CLNK: variants seen among roughly 807,000 people sequenced by gnomAD.
CLNK encodes cytokine dependent hematopoietic cell linker, also known as cytokine-dependent hematopoietic cell linker.
In CLNK, 74 loss-of-function variants were observed where a neutral mutation model predicts 68.6. That is an observed-to-expected ratio of 1.08 (90% CI 0.89 to 1.31). CLNK has a LOEUF of 1.31. CLNK is among the 50% of genes most tolerant of loss of function. The probability of loss-of-function intolerance (pLI) is 0.00; values close to 1 mark genes in which losing one functional copy is unlikely to be tolerated. For synonymous variants in CLNK, 198 were observed against 172.2 expected, an observed-to-expected ratio of 1.15 and a Z score of -1.17; for missense variants, 553 against 515.3, an observed-to-expected ratio of 1.07 and a Z score of -0.71.
At chr4:10,572,614 T>C (rs551704640) in intron 4 of CLNK, among the ~76,000 whole-genome samples, 4 of 152,364 alleles carry the variant, frequency 2.6e-5, no homozygotes, top group African/African-American at 7.2e-5. Context: ...TTAGCACATA[T>C]GTGAGAAGTT....
chr4:10,568,434 T>C (rs918280416), intron 5 of CLNK, among the ~76,000 whole-genome samples: 1 of 152,206 alleles, frequency 6.6e-6, no homozygotes, highest in Non-Finnish European at 1.5e-5. Context: ...ATTGGAGTGA[T>C]GGTTATGCAA....
rs1163498992 is a variant in CLNK at position 10,632,955 on chromosome 4, C to CTTATT, written c.11+34899_11+34903dup. Among the ~76,000 whole-genome samples, 69 of 152,238 alleles carry CTTATT rather than the reference C, an allele frequency of 4.5e-4. 1 individual carries two copies. Among genetic ancestry groups the CTTATT allele is most frequent in the African/African-American group, 1.7e-3 (69 of 41,544 alleles). On this transcript the variant is annotated intron_variant, in intron 2 of 18. Coordinates refer to ENST00000226951, the MANE Select transcript of CLNK (RefSeq NM_052964.4). ...GACAGAGAAAAGATAAGCATTTTAT[C>CTTATT]TTATTTTGACTGAGGCCTGTCAACC...
In CLNK at chr4:10,558,470, G is replaced by T. The variant is rs764631756; in HGVS notation, c.400-18C>A. 86 of 1,611,340 alleles carry T rather than the reference G, an allele frequency of 5.3e-5. No homozygotes were observed. Among genetic ancestry groups the T allele is most frequent in the Non-Finnish European group, 7.0e-5 (83 of 1,177,976 alleles). ...TTGTCCACCTGTACAAGACAATGAG[G>T]CACCATTATCTCTTCAGTTGTGACT... On this transcript the variant is annotated intron_variant, in intron 7 of 18. Transcript: ENST00000226951.
chr4:10,632,671 C>A (rs1328679552), intron 2 of CLNK, among the ~76,000 whole-genome samples: 1 of 152,204 alleles, frequency 6.6e-6, no homozygotes, highest in African/African-American at 2.4e-5. Flanking sequence ...TTAAACACAA[C>A]AGACTTTCTC....
At chr4:10,552,842 G>A (rs533796254) in intron 8 of CLNK, among the ~76,000 whole-genome samples, 2 of 152,238 alleles carry the variant, frequency 1.3e-5, no homozygotes, top group Middle Eastern at 3.4e-3. Context: ...CCCCTCGGGC[G>A]GTTACATGTG....
At chr4:10,654,218 T>C (rs1478450749) in intron 2 of CLNK, among the ~76,000 whole-genome samples, 1 of 151,786 alleles carries the variant, frequency 6.6e-6, no homozygotes, top group Non-Finnish European at 1.5e-5. Context: ...AATAATAATA[T>C]GTCATGACCA....
Position 10,501,337 on chromosome 4 carries a change from C to T in CLNK, c.1059G>A (p.Glu353=). ...GTATTTTTACATTGTAGACTTTGTT[C>T]TCATAAAACACAGCCAAAACATAGG... ...EEPYVLAVFY[E]NKVYNVKIRF... is the part of the protein sequence containing the mutation. Residue 353 remains glutamate (E), a synonymous_variant, in exon 18 of 19, where the codon GAG becomes GAA. Transcript: ENST00000226951. The T allele has an allele frequency of 6.2e-7, 1 of 1,609,412 alleles. No individual in the cohort carries two copies. The highest frequency in any genetic ancestry group is 1.7e-4 in the Middle Eastern group (1 of 6,054).
intron 2 of CLNK, among the ~76,000 whole-genome samples, chr4:10,641,239 G>T (rs1723297152): frequency 6.6e-6 from 1 of 152,254 alleles, no homozygotes; most frequent in South Asian, 2.1e-4. Context: ...GGCCTCCTGG[G>T]GCTGGAGGAC....
chr4:10,728,438 T>C, the CLNK span, among the ~76,000 whole-genome samples: 2 of 151,742 alleles, frequency 1.3e-5, no homozygotes, highest in South Asian at 4.2e-4. Flanking sequence ...TTATAATAGT[T>C]GACCTTAGTG....
At chr4:10,692,310 A>C in the CLNK span, among the ~76,000 whole-genome samples, 1 of 152,192 alleles carries the variant, frequency 6.6e-6, no homozygotes, top group Non-Finnish European at 1.5e-5. Context: ...ACAGGCTCAG[A>C]TCTTTAACCC....
At chr4:10,589,436 A>C (rs1228369559) in intron 3 of CLNK, among the ~76,000 whole-genome samples, 1 of 152,138 alleles carries the variant, frequency 6.6e-6, no homozygotes, top group Non-Finnish European at 1.5e-5. Context: ...GGGGCCCCAG[A>C]GTAATGGTGC....
At chr4:10,670,158 T>C (rs147621361) in intron 1 of CLNK, among the ~76,000 whole-genome samples, 210 of 152,378 alleles carry the variant, frequency 1.4e-3, no homozygotes, top group African/African-American at 4.6e-3. Flanking sequence ...CTATGAAATG[T>C]TATGAAACAC....
the CLNK span, among the ~76,000 whole-genome samples, chr4:10,689,930 C>G: frequency 6.6e-6 from 1 of 151,876 alleles, no homozygotes; most frequent in African/African-American, 2.4e-5. Flanking sequence ...CTGTCTCCTT[C>G]AGGACACATG....
At chr4:10,527,230 C>T (rs932168458) in intron 13 of CLNK, among the ~76,000 whole-genome samples, 3 of 152,144 alleles carry the variant, frequency 2.0e-5, no homozygotes, top group South Asian at 2.1e-4. Context: ...GCTGTATTGT[C>T]GGAAAGGGCA....
At chr4:10,528,179 TGGTTGGC>T (rs1426408810) in intron 12 of CLNK, 85 bp from the exon 13 acceptor site, 6 of 588,724 alleles carry the variant, frequency 1.0e-5, no homozygotes, top group Non-Finnish European at 1.3e-5. Context: ...TTAGAGCATT[TGGTTGGC>T]AGACTTTTGG....
At chr4:10,678,727 C>A (rs2108901670) in intron 1 of CLNK, among the ~76,000 whole-genome samples, 1 of 152,156 alleles carries the variant, frequency 6.6e-6, no homozygotes, top group African/African-American at 2.4e-5. Context: ...TCTTATACAC[C>A]AATAACAGAC....
intron 2 of CLNK, among the ~76,000 whole-genome samples, chr4:10,647,423 CT>C (rs1332675956): frequency 6.6e-6 from 1 of 152,072 alleles, no homozygotes; most frequent in Non-Finnish European, 1.5e-5. Flanking sequence ...CATGAGTCTC[CT>C]TTGGATTTTG....
At chr4:10,699,512 A>ATATATTTTTTTT in the CLNK span, among the ~76,000 whole-genome samples, 24 of 32,732 alleles carry the variant, frequency 7.3e-4, 1 homozygote, top group South Asian at 1.3e-3. Flanking sequence ...ATATATATAT[A>ATATATTTTTTTT]TTTTTTTTTT....
At position 10,528,076 on chromosome 4, in the gene CLNK, C is replaced by G; in HGVS notation, c.649G>C (p.Val217Leu). 7.4e-7 allele frequency: 1 copy of G among 1,357,300 alleles called. No homozygotes were observed. The highest frequency in any genetic ancestry group is 2.8e-5 in the East Asian group (1 of 36,048). 84.1% of individuals were successfully genotyped at this position (1,357,300 alleles called of 1,614,324 possible). A position where few individuals can be genotyped will look rare whatever the true frequency, so the allele number is the denominator to read the frequency against. Residue 217 changes from valine (V) to leucine (L), a missense_variant and splice_region_variant, in exon 13 of 19, where the codon GTT becomes CTT. Coordinates refer to ENST00000226951, the MANE Select transcript of CLNK (RefSeq NM_052964.4). ...AAGAAAACAAATGTAAACAATTCAC[C>G]TTTTTCTGCTTCAAGGACCTGTATT... is the stretch of plus-strand genomic sequence containing the variant. The part of the protein sequence containing the change: ...DLSEVLEAEK[V>L]PHNQRKPEST...
Sources: allele counts gnomAD v4.1 joint callset (sites outside exome capture counted in the v4.1 genomes callset), GRCh38; gene constraint gnomAD v4.1.1; transcripts MANE v1.5; gene names NCBI Gene and HGNC (gene_info 2026-07-23, HGNC 2026-07-21).